The following DDX20 variants were observed in gnomAD, a reference collection of about 807,000 sequenced individuals.
DDX20 encodes the protein DEAD-box helicase 20, also known as probable ATP-dependent RNA helicase DDX20.
A neutral mutation model predicts 76.4 loss-of-function variants in DDX20; 61 were observed. The observed-to-expected ratio is 0.80, with a 90% CI of 0.65 to 0.99. The LOEUF (loss-of-function observed/expected upper bound fraction) is 0.99, where lower values mean the gene tolerates loss of function less well. DDX20 is among the 50% of genes least tolerant of loss of function. The pLI, the probability that DDX20 is intolerant of heterozygous loss-of-function variation, is 0.00. For synonymous variants in DDX20, 357 were observed against 357.4 expected, an observed-to-expected ratio of 1.00 and a Z score of 0.01; for missense variants, 976 against 996.8, an observed-to-expected ratio of 0.98 and a Z score of 0.28.
chr1:111,762,233 CT>C, intron 7 of DDX20, 21 bp from the exon 8 acceptor site: 2 of 1,598,448 alleles, frequency 1.3e-6, no homozygotes, highest in African/African-American at 2.7e-5. Flanking sequence ...TTTTATGTGA[CT>C]TTCTTTTGGG....
In DDX20 at chr1:111,756,257, G is replaced by A. The variant is rs1411078219; in HGVS notation, c.301+32G>A. 13 of 1,342,210 alleles carry A rather than the reference G, an allele frequency of 9.7e-6. No homozygotes were observed. The South Asian group carries it at 1.2e-4, about 12-fold the overall frequency. The allele number at this position is 1,342,210 out of a possible 1,614,324, so 83.1% of individuals were successfully genotyped here. ...GCGGGGGCCCGGGATAGGTCGGGGG[G>A]TGGGGTGGGAGAAGGGGGACCGACG... On this transcript the variant is annotated intron_variant, in intron 1 of 10. Coordinates refer to ENST00000369702, the MANE Select transcript of DDX20 (RefSeq NM_007204.5).
rs1663563616 is a variant in DDX20, at chr1:111,756,695, C to T, written c.351C>T (p.Ser117=). The change falls in exon 2 of 11, where the codon TCC becomes TCT. Residue 117 remains serine (S), a synonymous_variant. Coordinates refer to ENST00000369702, the MANE Select transcript of DDX20 (RefSeq NM_007204.5). ...KSGTGKTCVF[S]TIALDSLVLE... is the part of the protein sequence containing the mutation. ...GCACCGGGAAAACCTGTGTGTTCTC[C>T]ACCATAGCTTTGGACTCTCTTGTTC... 6.2e-7 allele frequency: 1 copy of T among 1,613,978 alleles called. No homozygotes were observed. Among genetic ancestry groups the T allele is most frequent in the Admixed American group, 1.7e-5 (1 of 60,004 alleles).
At chr1:111,758,032 A>AT (rs141366250) in intron 2 of DDX20, among the ~76,000 whole-genome samples, 27,856 of 151,668 alleles carry the variant, frequency 0.18, 3,621 homozygotes, top group African/African-American at 0.37. Flanking sequence ...ATTTTTTTGT[A>AT]TTTTTAGTAG....
chr1:111,765,026 TTGTA>T (rs1177763555), intron 10 of DDX20, among the ~76,000 whole-genome samples: 1 of 152,222 alleles, frequency 6.6e-6, no homozygotes, highest in Non-Finnish European at 1.5e-5. Flanking sequence ...GGCAAGATCT[TTGTA>T]AAGCAGGGGC....
In DDX20 at chr1:111,762,768, G is replaced by T; in HGVS notation, c.1196G>T (p.Arg399Ile). The T allele has an allele frequency of 6.2e-7, 1 of 1,610,742 alleles. No homozygotes were observed. Among genetic ancestry groups the T allele is most frequent in the Non-Finnish European group, 8.5e-7 (1 of 1,178,508 alleles). The change falls in exon 9 of 11, where the codon AGA (arginine) becomes ATA (isoleucine). Residue 399 changes from arginine to isoleucine, a missense_variant. By Grantham distance (97) the Arg-to-Ile change is moderately conservative (BLOSUM62 -3). Coordinates refer to ENST00000369702, the MANE Select transcript of DDX20 (RefSeq NM_007204.5). ...DWETYMHRIG[R>I]AGRFGTLGLT... ...GAGACATACATGCATCGGATTGGGA[G>T]AGCTGGCCGTTTTGGTAAAAAAAAA...
rs1663646307 is a variant in DDX20 at position 111,760,306 on chromosome 1, C to G, written c.566-168C>G. 1.3e-5 allele frequency: 7 copies of G among 519,324 alleles called. No individual in the cohort carries two copies. In the South Asian group the frequency reaches 2.1e-4, roughly 16 times the overall value. 32.2% of individuals were successfully genotyped at this position (519,324 alleles called of 1,614,324 possible). A position where few individuals can be genotyped will look rare whatever the true frequency, so the allele number is the denominator to read the frequency against. On this transcript the variant is annotated intron_variant, in intron 3 of 10. Coordinates refer to ENST00000369702, the MANE Select transcript of DDX20 (RefSeq NM_007204.5). ...GGAAAACAATGAGTTTAGTCAAGAT[C>G]AGAGCTCCAGATTTCTAATTTGTGG...
intron 3 of DDX20, among the ~76,000 whole-genome samples, chr1:111,760,111 G>A (rs911647082): frequency 1.3e-5 from 2 of 152,114 alleles, no homozygotes; most frequent in Non-Finnish European, 2.9e-5. Context: ...CTTTTGAGAA[G>A]AGGAGAAATG....
intron 1 of DDX20, 147 bp downstream of exon 1, chr1:111,756,372 T>G (rs1187879430): frequency 2.4e-6 from 2 of 849,400 alleles, no homozygotes; most frequent in African/African-American, 1.8e-5. Flanking sequence ...GGCGCTACGC[T>G]CAGTTAACTT....
intron 8 of DDX20, 49 bp downstream of exon 8, chr1:111,762,386 C>A: frequency 7.2e-7 from 1 of 1,385,528 alleles, no homozygotes; most frequent in South Asian, 1.2e-5. Context: ...GACATATGTT[C>A]TATTATCAGA....
At chr1:111,757,116 G>A (rs1663577909) in intron 2 of DDX20, among the ~76,000 whole-genome samples, 1 of 151,706 alleles carries the variant, frequency 6.6e-6, no homozygotes, top group South Asian at 2.1e-4. Flanking sequence ...TGCAGTGGCG[G>A]ATCATTGCTC....
Position 111,765,942 on chromosome 1 carries a change from C to T in DDX20, c.1518C>T (p.Val506=), listed in dbSNP as rs767864539. 2.5e-6 allele frequency: 4 copies of T among 1,613,012 alleles called. No homozygotes were observed. The highest frequency in any genetic ancestry group is 2.5e-6 in the Non-Finnish European group (3 of 1,179,782). ...SRNNSVSGLS[V]KSKNNTKQKL... is the part of the protein sequence containing the mutation. Reference sequence around the variant, plus strand: ...ATAATTCTGTATCTGGACTATCAGTCAAATCAAAAAATAATACCAAACAAA... The same window carrying T: ...ATAATTCTGTATCTGGACTATCAGTTAAATCAAAAAATAATACCAAACAAA... Residue 506 remains valine, a synonymous_variant, in exon 11 of 11, where the codon GTC becomes GTT. Transcript: ENST00000369702.
chr1:111,756,398 G>A (rs1288019489), intron 1 of DDX20, among the ~76,000 whole-genome samples, 173 bp downstream of exon 1: 1 of 152,226 alleles, frequency 6.6e-6, no homozygotes, highest in Non-Finnish European at 1.5e-5. Flanking sequence ...TAAAACTAAC[G>A]TGCACTATTG....
Position 111,763,017 on chromosome 1 carries a change from A to T in DDX20, c.1312+10A>T. On this transcript the variant is annotated intron_variant, in intron 10 of 10. Transcript: ENST00000369702. Reference sequence around the variant, plus strand: ...CTTCTCCCTTTACCAGGTACATTTCATCTGTTTCATTATTTCAAAATAATT... The same window carrying T: ...CTTCTCCCTTTACCAGGTACATTTCTTCTGTTTCATTATTTCAAAATAATT... 6.3e-7 allele frequency: 1 copy of T among 1,578,892 alleles called. No homozygotes were observed. The highest frequency in any genetic ancestry group is 1.7e-5 in the Admixed American group (1 of 59,698).
chr1:111,760,909 C>T (rs1357566094), intron 5 of DDX20, 61 bp downstream of exon 5: 20 of 1,595,806 alleles, frequency 1.3e-5, no homozygotes, highest in Non-Finnish European at 1.7e-5. Flanking sequence ...GGAGCTTTCC[C>T]TTGCCTAGTT....
At chr1:111,761,975 T>C in intron 7 of DDX20, 1 of 273,378 alleles carries the variant, frequency 3.7e-6, no homozygotes, top group Non-Finnish European at 6.8e-6. Context: ...TTGCTAGTTA[T>C]ACTTCATATG....
At position 111,765,848 on chromosome 1, in the gene DDX20, A is replaced by G; in HGVS notation, c.1424A>G (p.Gln475Arg). The G allele has an allele frequency of 6.2e-7, 1 of 1,614,204 alleles. No individual in the cohort carries two copies. The highest frequency in any genetic ancestry group is 8.5e-7 in the Non-Finnish European group (1 of 1,180,030). The change falls in exon 11 of 11, where the codon CAA becomes CGA. Residue 475 changes from glutamine (Q) to arginine (R), a missense_variant. Gln to Arg is a conservative substitution (Grantham distance 43). Around this residue, in one of 3 missense-constraint regions of DDX20, gnomAD observed 630 missense variants for 693.7 expected, o/e 0.91. Transcript: ENST00000369702. ...ASVPNQPLKK[Q>R]IQKIERTLQI... ...GTACCTAACCAACCCTTAAAAAAGCAAATTCAGAAAATAGAGAGAACCCTT... is the reference window on the plus strand; with the variant it reads ...GTACCTAACCAACCCTTAAAAAAGCGAATTCAGAAAATAGAGAGAACCCTT...
At chr1:111,765,157 A>AT (rs1471245762) in intron 10 of DDX20, among the ~76,000 whole-genome samples, 1 of 152,308 alleles carries the variant, frequency 6.6e-6, no homozygotes, top group Non-Finnish European at 1.5e-5. Flanking sequence ...AAGCCAGCAA[A>AT]TTTTTTAAAA....
In DDX20 at chr1:111,766,894, C is replaced by G; in HGVS notation, c.2470C>G (p.Gln824Glu). The G allele has an allele frequency of 6.2e-7, 1 of 1,606,158 alleles. No individual in the cohort carries two copies. Residue 824 changes from glutamine to glutamate, a missense_variant, in exon 11 of 11, where the codon CAG (glutamine) becomes GAG (glutamate). Transcript: ENST00000369702. ...IYLQEMMHSN[Q>E] The stretch of plus-strand genomic sequence containing the variant: ...TCTACAAGAAATGATGCATAGTAAC[C>G]AGTGATTATAGGATATACCTGAGAC...
intron 10 of DDX20, among the ~76,000 whole-genome samples, chr1:111,764,421 C>G (rs988363505): frequency 6.6e-6 from 1 of 152,164 alleles, no homozygotes; most frequent in Non-Finnish European, 1.5e-5. Context: ...AAGCACAGAT[C>G]TGGGAGTTCT....
Sources: allele counts gnomAD v4.1 joint callset (sites outside exome capture counted in the v4.1 genomes callset), GRCh38; gene constraint gnomAD v4.1.1; regional missense constraint gnomAD v4.1.1; transcripts MANE v1.5; gene names NCBI Gene and HGNC (gene_info 2026-07-23, HGNC 2026-07-21).